The following CNTN4 variants were observed in gnomAD, a reference collection of about 807,000 sequenced individuals.
CNTN4 encodes contactin-4.
In CNTN4, 77 loss-of-function variants were observed where a neutral mutation model predicts 122.5. That is an observed-to-expected ratio of 0.63 (90% CI 0.52 to 0.76). CNTN4 has a LOEUF of 0.76. Among genes scored for constraint, CNTN4 ranks in the 30% least tolerant of loss-of-function variants. The pLI is 0.00. For missense variants in CNTN4, 1,256 were observed against 1,259.1 expected, an observed-to-expected ratio of 1.00 and a Z score of 0.04; for synonymous variants, 512 against 447.0, an observed-to-expected ratio of 1.15 and a Z score of -1.83.
intron 3 of CNTN4, among the ~76,000 whole-genome samples, chr3:2,500,562 G>T (rs908377998): frequency 1.5e-4 from 23 of 151,726 alleles, no homozygotes; most frequent in Admixed American, 6.6e-5. Flanking sequence ...TTTGTTTCTG[G>T]TTGCTTTTTA....
intron 8 of CNTN4, among the ~76,000 whole-genome samples, chr3:2,873,838 G>T (rs904723398): frequency 1.3e-5 from 2 of 152,168 alleles, no homozygotes; most frequent in Non-Finnish European, 2.9e-5. Context: ...GTAGAGATAT[G>T]CCTTCCACTT....
At chr3:2,610,663 G>A (rs1294632608) in intron 4 of CNTN4, among the ~76,000 whole-genome samples, 1 of 152,174 alleles carries the variant, frequency 6.6e-6, no homozygotes, top group Non-Finnish European at 1.5e-5. Flanking sequence ...GTAGAGAACA[G>A]ACCATGGAAA....
chr3:2,341,214 C>T (rs2044198563), intron 3 of CNTN4, among the ~76,000 whole-genome samples: 1 of 152,130 alleles, frequency 6.6e-6, no homozygotes, highest in East Asian at 1.9e-4. Context: ...TGATCCTATT[C>T]ATTCATATAT....
chr3:2,441,780 C>G (rs2048451151), intron 3 of CNTN4, among the ~76,000 whole-genome samples: 1 of 152,102 alleles, frequency 6.6e-6, no homozygotes, highest in Non-Finnish European at 1.5e-5. Flanking sequence ...AGGAGGCAGT[C>G]TGGAGCACTG....
In CNTN4 at chr3:2,729,424, A is replaced by T. The variant is rs975904078; in HGVS notation, c.56-6791A>T. 7.0e-4 allele frequency among the ~76,000 whole-genome samples: 105 copies of T among 150,154 alleles called. 3 individuals are homozygous for T. Among genetic ancestry groups the T allele is most frequent in the African/African-American group, 2.4e-3 (99 of 40,436 alleles). On this transcript the variant is annotated intron_variant, in intron 4 of 24. Transcript: ENST00000418658. ...GCCGGGCGTGGTGGCAGGCGCCTGTATTTCCAGCTACTCGGGAGGCTAAGC... is the reference window on the plus strand; with the variant it reads ...GCCGGGCGTGGTGGCAGGCGCCTGTTTTTCCAGCTACTCGGGAGGCTAAGC...
chr3:2,481,047 TTCTTTCTTTCTTTCTC>T (rs1257703184), intron 3 of CNTN4, among the ~76,000 whole-genome samples: 3 of 143,442 alleles, frequency 2.1e-5, no homozygotes, highest in African/African-American at 8.3e-5. Context: ...CTTTCTTTCT[TTCTTTCTTTCTTTCTC>T]TCTTTCTCTC....
chr3:2,520,522 C>G (rs1052580611), intron 3 of CNTN4, among the ~76,000 whole-genome samples: 12 of 151,854 alleles, frequency 7.9e-5, no homozygotes, highest in African/African-American at 2.9e-4. Context: ...GATCCACCTA[C>G]CTCTGCCTCC....
intron 2 of CNTN4, among the ~76,000 whole-genome samples, chr3:2,120,403 A>ATTTTT (rs1245238403): frequency 5.6e-5 from 2 of 35,818 alleles, no homozygotes; most frequent in African/African-American, 9.6e-5. Context: ...ATATATATAT[A>ATTTTT]TATTTTTTTT....
chr3:3,034,608 T>G, intron 16 of CNTN4, 24 bp from the exon 17 acceptor site: 1 of 1,613,848 alleles, frequency 6.2e-7, no homozygotes, highest in Non-Finnish European at 8.5e-7. Flanking sequence ...CTGCTCCAAT[T>G]CTGGGGGTCT....
intron 3 of CNTN4, among the ~76,000 whole-genome samples, chr3:2,399,419 C>A (rs1465161096): frequency 6.6e-6 from 1 of 151,906 alleles, no homozygotes; most frequent in African/African-American, 2.4e-5. Flanking sequence ...TTGTTTGTTT[C>A]TTTTTCTGTG....
intron 19 of CNTN4, chr3:3,039,272 G>A (rs557763773): frequency 5.6e-5 from 22 of 392,320 alleles, no homozygotes; most frequent in Non-Finnish European, 7.0e-5. Flanking sequence ...AATAAAGAAG[G>A]CTGTTTCAGA....
At chr3:2,559,153 G>A (rs1017083745) in intron 3 of CNTN4, among the ~76,000 whole-genome samples, 3 of 152,126 alleles carry the variant, frequency 2.0e-5, no homozygotes, top group Non-Finnish European at 4.4e-5. Context: ...CACATTCAGG[G>A]TTTCTGCTGT....
chr3:2,568,209 C>T (rs1457652616), intron 3 of CNTN4, among the ~76,000 whole-genome samples: 1 of 148,938 alleles, frequency 6.7e-6, no homozygotes, highest in African/African-American at 2.5e-5. Flanking sequence ...TAAGGGAAAA[C>T]TGATTCATGC....
intron 3 of CNTN4, among the ~76,000 whole-genome samples, chr3:2,567,278 G>T (rs1684057190): frequency 6.6e-6 from 1 of 151,948 alleles, no homozygotes; most frequent in Non-Finnish European, 1.5e-5. Context: ...AGTAGAGATG[G>T]GGTTTTGCCG....
intron 6 of CNTN4, among the ~76,000 whole-genome samples, chr3:2,782,159 A>G (rs962539852): frequency 6.6e-6 from 1 of 152,018 alleles, no homozygotes; most frequent in East Asian, 1.9e-4. Context: ...GTCTGTGTTG[A>G]TGTTAATGGC....
chr3:2,525,065 A>C (rs1051288411), intron 3 of CNTN4, among the ~76,000 whole-genome samples: 1 of 152,124 alleles, frequency 6.6e-6, no homozygotes, highest in Admixed American at 6.6e-5. Flanking sequence ...TTGGAATTAG[A>C]TCTTCACTGT....
chr3:2,594,226 A>C lies in CNTN4; in HGVS notation c.55+22668A>C, dbSNP rs1027973206. ...TAATGTTGAACACAATTTTGGAGAA[A>C]CTGGTTTTTTTTTGACAATTTGAAA... On this transcript the variant is annotated intron_variant, in intron 4 of 24. Coordinates refer to ENST00000418658, the MANE Select transcript of CNTN4 (RefSeq NM_175607.3). Among the ~76,000 whole-genome samples the C allele has an allele frequency of 9.3e-3, 91 of 9,792 alleles. 1 individual carries two copies. Among genetic ancestry groups the C allele is most frequent in the Non-Finnish European group, 0.017 (17 of 1,000 alleles). 6.4% of individuals were successfully genotyped at this position (9,792 alleles called of 152,430 possible).
chr3:2,192,403 C>CT (rs1332639530), intron 2 of CNTN4, among the ~76,000 whole-genome samples: 5 of 152,126 alleles, frequency 3.3e-5, no homozygotes, highest in Non-Finnish European at 7.4e-5. Flanking sequence ...TGTTTCCTGA[C>CT]TTTTTAATGA....
chr3:2,265,026 CCT>C (rs757455913), intron 2 of CNTN4, among the ~76,000 whole-genome samples: 90 of 152,054 alleles, frequency 5.9e-4, no homozygotes, highest in Non-Finnish European at 1.1e-3. Context: ...TACTCTTTCC[CCT>C]GAGTCCCCAA....
Sources: gnomAD v4.1 joint callset for allele counts (sites outside exome capture counted in the v4.1 genomes callset) on GRCh38, gnomAD v4.1.1 for gene constraint, MANE v1.5 for transcripts, NCBI Gene and HGNC (gene_info 2026-07-23, HGNC 2026-07-21) for gene names.